Variants in RCL1 observed in about 807,000 individuals in gnomAD.
RCL1 encodes the protein RNA 3'-terminal phosphate cyclase-like protein.
A neutral mutation model predicts 42.4 loss-of-function variants in RCL1; 24 were observed. The ratio of observed to expected loss-of-function variants is 0.57; its 90% CI spans 0.41 to 0.80. The LOEUF is 0.80. Among genes scored for constraint, RCL1 ranks in the 30% least tolerant of loss-of-function variants. The pLI, the probability that RCL1 is intolerant of heterozygous loss-of-function variation, is 0.00. For synonymous variants in RCL1, 228 were observed against 177.3 expected, an observed-to-expected ratio of 1.29 and a Z score of -2.27; for missense variants, 578 against 467.9, an observed-to-expected ratio of 1.24 and a Z score of -2.17.
At chr9:4,823,495 G>C in intron 1 of RCL1, 53 bp from the exon 2 acceptor site, 3 of 1,399,108 alleles carry the variant, frequency 2.1e-6, no homozygotes, top group Admixed American at 1.8e-5. Flanking sequence ...ATGTTGACCT[G>C]ACATGAGGAC....
At position 4,834,223 on chromosome 9, in the gene RCL1, A is replaced by C; in HGVS notation, c.542A>C (p.Gln181Pro). 6.2e-7 allele frequency: 1 copy of C among 1,613,636 alleles called. No homozygotes were observed. Among genetic ancestry groups the C allele is most frequent in the Non-Finnish European group, 8.5e-7 (1 of 1,179,702 alleles). ...GTGAGGAAGGTCTTGAAGCCCATTC[A>C]ACTCACAGATCCAGGAAAAATCAAA... ...CPVRKVLKPI[Q>P]LTDPGKIKRI... The change falls in exon 5 of 9, where the codon CAA becomes CCA. Residue 181 changes from glutamine to proline, a missense_variant. Coordinates refer to ENST00000381750, the MANE Select transcript of RCL1 (RefSeq NM_005772.5).
At chr9:4,797,764 G>C (rs1366743509) in intron 1 of RCL1, among the ~76,000 whole-genome samples, 1 of 152,146 alleles carries the variant, frequency 6.6e-6, no homozygotes, top group African/African-American at 2.4e-5. Flanking sequence ...CAAGGATTTA[G>C]AAACAAATGA....
chr9:4,854,939 G>A (rs1298730974), intron 8 of RCL1, among the ~76,000 whole-genome samples: 1 of 151,806 alleles, frequency 6.6e-6, no homozygotes, highest in Non-Finnish European at 1.5e-5. Context: ...TCTAATCCCA[G>A]CTACTCGGGA....
At chr9:4,824,600 A>C (rs557330218) in intron 2 of RCL1, among the ~76,000 whole-genome samples, 2 of 152,168 alleles carry the variant, frequency 1.3e-5, no homozygotes, top group Non-Finnish European at 2.9e-5. Context: ...AACTGTGGCA[A>C]ACATCCGTTG....
At chr9:4,799,218 T>C (rs1842960800) in intron 1 of RCL1, among the ~76,000 whole-genome samples, 1 of 151,870 alleles carries the variant, frequency 6.6e-6, no homozygotes, top group Non-Finnish European at 1.5e-5. Flanking sequence ...CAGTGAGCCT[T>C]CTGCCTAACT....
chr9:4,800,308 G>A (rs1038423049), intron 1 of RCL1, among the ~76,000 whole-genome samples: 3 of 151,796 alleles, frequency 2.0e-5, no homozygotes, highest in Non-Finnish European at 2.9e-5. Context: ...TCCCACTCCC[G>A]GGTTCAGGCG....
At chr9:4,820,888 CAT>C (rs1389470905) in intron 1 of RCL1, among the ~76,000 whole-genome samples, 3 of 152,170 alleles carry the variant, frequency 2.0e-5, no homozygotes, top group Non-Finnish European at 2.9e-5. Context: ...TACACATACA[CAT>C]ATGTGTAAAA....
chr9:4,816,862 G>A (rs557741005), intron 1 of RCL1, among the ~76,000 whole-genome samples: 1 of 152,094 alleles, frequency 6.6e-6, no homozygotes, highest in South Asian at 2.1e-4. Flanking sequence ...TGTCGTCCAG[G>A]CCGGAGTGCA....
At chr9:4,816,842 A>G (rs1050816820) in intron 1 of RCL1, among the ~76,000 whole-genome samples, 7 of 151,920 alleles carry the variant, frequency 4.6e-5, no homozygotes, top group Admixed American at 1.3e-4. Context: ...TTTGAGATGG[A>G]GTCTCGCTCT....
At chr9:4,824,615 A>T (rs570148639) in intron 2 of RCL1, among the ~76,000 whole-genome samples, 1 of 152,166 alleles carries the variant, frequency 6.6e-6, no homozygotes, top group East Asian at 1.9e-4. Flanking sequence ...CCGTTGGCTG[A>T]CTCCATTAAC....
chr9:4,826,687 A>T (rs1269617444), intron 2 of RCL1, among the ~76,000 whole-genome samples, 171 bp from the exon 3 acceptor site: 1 of 152,190 alleles, frequency 6.6e-6, no homozygotes, highest in Non-Finnish European at 1.5e-5. Context: ...CAGGGGCTTG[A>T]CAGTAGTGAG....
rs200353683 is a variant in RCL1 at position 4,841,229 on chromosome 9, C to T, written c.585-3C>T. ...GAATGACATCCTTAACTCCAGGCTG[C>T]AGGTACTCTGTACGTGTGTCACCTC... On this transcript the variant is annotated splice_polypyrimidine_tract_variant and splice_region_variant and intron_variant, in intron 5 of 8. Coordinates refer to ENST00000381750, the MANE Select transcript of RCL1 (RefSeq NM_005772.5). 8.4e-5 allele frequency: 135 copies of T among 1,613,944 alleles called. No homozygotes were observed. The East Asian group carries it at 2.5e-3, about 30-fold the overall frequency.
At chr9:4,829,101 A>G (rs12347417) in intron 3 of RCL1, among the ~76,000 whole-genome samples, 2,032 of 152,298 alleles carry the variant, frequency 0.013, 48 homozygotes, top group African/African-American at 0.045. Context: ...CGTGGGGTGG[A>G]CAGCTGGGAA....
At chr9:4,826,386 A>G (rs1816763276) in intron 2 of RCL1, among the ~76,000 whole-genome samples, 1 of 152,242 alleles carries the variant, frequency 6.6e-6, no homozygotes, top group Non-Finnish European at 1.5e-5. Context: ...ATGGCACTGA[A>G]TGCCATAAAG....
chr9:4,810,745 T>C (rs1816145894), intron 1 of RCL1, among the ~76,000 whole-genome samples: 1 of 152,344 alleles, frequency 6.6e-6, no homozygotes, highest in South Asian at 2.1e-4. Flanking sequence ...TGTAAATATA[T>C]CTGAGGTCTA....
chr9:4,838,393 C>T (rs1234799120), intron 5 of RCL1, among the ~76,000 whole-genome samples: 6 of 152,126 alleles, frequency 3.9e-5, no homozygotes, highest in East Asian at 1.9e-4. Flanking sequence ...TTATGTGGGG[C>T]GTAAGAGAAA....
chr9:4,809,424 C>G (rs370823246), intron 1 of RCL1, among the ~76,000 whole-genome samples: 1 of 152,182 alleles, frequency 6.6e-6, no homozygotes, highest in African/African-American at 2.4e-5. Flanking sequence ...ATTCCCCTGC[C>G]TCAGCCTCCC....
At chr9:4,821,237 A>G (rs1321968334) in intron 1 of RCL1, among the ~76,000 whole-genome samples, 2 of 152,180 alleles carry the variant, frequency 1.3e-5, no homozygotes, top group African/African-American at 2.4e-5. Flanking sequence ...AACCTGGGCA[A>G]CATAGTGAGA....
At chr9:4,859,069 A>G (rs955572010) in intron 8 of RCL1, among the ~76,000 whole-genome samples, 3 of 152,178 alleles carry the variant, frequency 2.0e-5, no homozygotes, top group Admixed American at 6.5e-5. Flanking sequence ...GAACCTGTGT[A>G]TTTAATGAAC....
Sources: gnomAD v4.1 joint callset for allele counts (sites outside exome capture counted in the v4.1 genomes callset) on GRCh38, gnomAD v4.1.1 for gene constraint, MANE v1.5 for transcripts, NCBI Gene and HGNC (gene_info 2026-07-23, HGNC 2026-07-21) for gene names.